Variants in IFFO1 observed in about 807,000 individuals in gnomAD.
IFFO1 encodes the protein non-homologous end joining factor IFFO1.
Under a neutral mutation model 59.6 loss-of-function variants are expected in IFFO1, and 42 were observed. That is an observed-to-expected ratio of 0.70 (90% CI 0.55 to 0.91). The LOEUF (loss-of-function observed/expected upper bound fraction) is 0.91, where lower values mean the gene tolerates loss of function less well. Among genes scored for constraint, IFFO1 ranks in the 40% least tolerant of loss-of-function variants. The pLI, the probability that IFFO1 is intolerant of heterozygous loss-of-function variation, is 0.00. For synonymous variants in IFFO1, 336 were observed against 342.8 expected (o/e 0.98, Z 0.22); for missense variants, 711 against 793.2 (o/e 0.90, Z 1.24).
At position 6,550,810 on chromosome 12, in the gene IFFO1, T is replaced by G. The variant is rs755049146; in HGVS notation, c.835-20A>C. On this transcript the variant is annotated intron_variant, in intron 2 of 9. Transcript: ENST00000619571. Reference sequence around the variant, plus strand: ...GGCTTCCTGCAGTTGGGAGAAACCCTGATGTTGGTGGCACTGCCGAGGTGG... The same window carrying G: ...GGCTTCCTGCAGTTGGGAGAAACCCGGATGTTGGTGGCACTGCCGAGGTGG... The G allele has an allele frequency of 1.9e-5, 30 of 1,611,284 alleles. No individual in the cohort carries two copies. In the East Asian group the frequency reaches 6.5e-4, roughly 35 times the overall value.
chr12:6,555,354 C>A lies in IFFO1; in HGVS notation c.676G>T (p.Gly226Trp), dbSNP rs1202768285. The A allele has an allele frequency of 6.2e-7, 1 of 1,614,196 alleles. No individual in the cohort carries two copies. Among genetic ancestry groups the A allele is most frequent in the South Asian group, 1.1e-5 (1 of 91,092 alleles). The change falls in exon 1 of 10, where the codon GGG (glycine) becomes TGG (tryptophan). Residue 226 changes from glycine (G) to tryptophan (W), a missense_variant. By Grantham distance (184) the Gly-to-Trp change is radical (BLOSUM62 -2). Transcript: ENST00000619571. The surrounding 1 kb of genome is among the most constrained non-coding windows in gnomAD (Gnocchi z 8.6). ...ATGGTGTCGATCTGGACGCCCACCCCATCCGGGTGCACCCACGACAAGCCA... is the reference window on the plus strand; with the variant it reads ...ATGGTGTCGATCTGGACGCCCACCCAATCCGGGTGCACCCACGACAAGCCA... The part of the protein sequence containing the change: ...GPGLSWVHPD[G>W]VGVQIDTITP...
At position 6,553,628 on chromosome 12, in the gene IFFO1, T is replaced by C. The variant is rs1003296008; in HGVS notation, c.773+1629A>G. The stretch of plus-strand genomic sequence containing the variant: ...AAGAAAAAAAAAAAATAGCCAGGCA[T>C]GGACATGGTAGTGCACACCTGTAGT... On this transcript the variant is annotated intron_variant, in intron 1 of 9. Coordinates refer to ENST00000619571, the MANE Select transcript of IFFO1 (RefSeq NM_001193457.2). 3.4e-4 allele frequency among the ~76,000 whole-genome samples: 51 copies of C among 149,722 alleles called. 1 individual carries two copies. The highest frequency in any genetic ancestry group is 2.1e-3 in the Admixed American group (31 of 15,062).
At chr12:6,551,543 C>A (rs758169363) in intron 1 of IFFO1, 14 of 1,177,672 alleles carry the variant, frequency 1.2e-5, no homozygotes, top group Non-Finnish European at 1.6e-5. Flanking sequence ...GGGTCAAGAG[C>A]CTGGTAGGAG....
In IFFO1 at chr12:6,555,567, C is replaced by G; in HGVS notation, c.463G>C (p.Val155Leu). 6 of 1,466,910 alleles carry G rather than the reference C, an allele frequency of 4.1e-6. No homozygotes were observed. Among genetic ancestry groups the G allele is most frequent in the Non-Finnish European group, 5.4e-6 (6 of 1,116,924 alleles). The allele number at this position is 1,466,910 out of a possible 1,614,324, so 90.9% of individuals were successfully genotyped here. A position where few individuals can be genotyped will look rare whatever the true frequency, so the allele number is the denominator to read the frequency against. The stretch of plus-strand genomic sequence containing the variant: ...GGGGAGCGCGCGGGCGAGCCCAGCA[C>G]GCGCGCCGAAGGGCTGCAGACAGCG... Reference protein sequence around the residue: ...PAAVCSPSARVLGSPARSPAG... With the variant: ...PAAVCSPSARLLGSPARSPAG... The change falls in exon 1 of 10, where the codon GTG (valine) becomes CTG (leucine). Residue 155 changes from valine (V) to leucine (L), a missense_variant. Val to Leu is a conservative substitution (Grantham distance 32, BLOSUM62 1). Around this residue, in one of 3 missense-constraint regions of IFFO1, gnomAD observed 579 missense variants for 650.3 expected, o/e 0.89. Transcript: ENST00000619571. The surrounding 1 kb of genome is among the most constrained non-coding windows in gnomAD (Gnocchi z 8.6).
At chr12:6,545,983 A>T (rs11064250) in intron 8 of IFFO1, among the ~76,000 whole-genome samples, 33,549 of 152,232 alleles carry the variant, frequency 0.22, 3,890 homozygotes, top group Admixed American at 0.26. Context: ...CAACTTAATA[A>T]GAAAAAGAAT....
Position 6,548,616 on chromosome 12 carries a change from C to T in IFFO1, c.1262+52G>A, listed in dbSNP as rs1487970703. 1 of 1,613,734 alleles carries T rather than the reference C, an allele frequency of 6.2e-7. No individual in the cohort carries two copies. Among genetic ancestry groups the T allele is most frequent in the Non-Finnish European group, 8.5e-7 (1 of 1,179,788 alleles). The stretch of plus-strand genomic sequence containing the variant: ...TGGCGGGGGACTGGGGAGCTCCGGC[C>T]TCCTGGGCTGCTGTGGCGTCGGTGC... On this transcript the variant is annotated intron_variant, in intron 6 of 9. Coordinates refer to ENST00000619571, the MANE Select transcript of IFFO1 (RefSeq NM_001193457.2). This position sits in a 1 kb window ranked among gnomAD's most constrained non-coding sequence, Gnocchi z 6.1.
chr12:6,551,122 G>T, intron 1 of IFFO1, 121 bp from the exon 2 acceptor site: 1 of 958,458 alleles, frequency 1.0e-6, no homozygotes, highest in Non-Finnish European at 1.6e-6. Context: ...CCTGGATGGG[G>T]AGGAGCAGGG....
At chr12:6,539,027 G>A (rs898417260), downstream of IFFO1, 1 of 152,222 alleles carries the variant, frequency 6.6e-6, no homozygotes, top group African/African-American at 2.4e-5. Context: ...ATCGTCCTTA[G>A]GGGAACTTGG....
Position 6,548,742 on chromosome 12 carries a change from G to A in IFFO1, c.1188C>T (p.Arg396=). ...TCTCCTCCTCATCCCCATCGGGCTG[G>A]CGGGGCCCCTCACTCTCCGACAGGG... ...DTSLSESEGP[R]QPDGDEEEST... is the part of the protein sequence containing the mutation. The change falls in exon 6 of 10, where the codon CGC becomes CGT. Residue 396 remains arginine, a synonymous_variant. Transcript: ENST00000619571. The surrounding 1 kb of genome is among the most constrained non-coding windows in gnomAD (Gnocchi z 6.1). 1 of 1,614,086 alleles carries A rather than the reference G, an allele frequency of 6.2e-7. No individual in the cohort carries two copies. Among genetic ancestry groups the A allele is most frequent in the Non-Finnish European group, 8.5e-7 (1 of 1,180,018 alleles).
At position 6,555,269 on chromosome 12, in the gene IFFO1, T is replaced by A; in HGVS notation, c.761A>T (p.Glu254Val). 3 of 1,614,110 alleles carry A rather than the reference T, an allele frequency of 1.9e-6. No homozygotes were observed. Among genetic ancestry groups the A allele is most frequent in the East Asian group, 4.5e-5 (2 of 44,884 alleles). ...TCCCAATCCCTACCTCCGCTTGTAC[T>A]CGTCCCGCTCCCGCTTCACTTTGGC... ...VLAKVKRERDEYKRRWEEEYT... is the reference protein window; with the variant it reads ...VLAKVKRERDVYKRRWEEEYT... The change falls in exon 1 of 10, where the codon GAG (glutamate) becomes GTG (valine). Residue 254 changes from glutamate to valine, a missense_variant. By Grantham distance (121) the Glu-to-Val change is moderately radical. Around this residue, in one of 3 missense-constraint regions of IFFO1, gnomAD observed 579 missense variants for 650.3 expected, o/e 0.89. Coordinates refer to ENST00000619571, the MANE Select transcript of IFFO1 (RefSeq NM_001193457.2). The surrounding 1 kb of genome is among the most constrained non-coding windows in gnomAD (Gnocchi z 8.6).
chr12:6,540,623 G>A (rs750431250), intron 9 of IFFO1, 35 bp from the exon 10 acceptor site: 46 of 1,568,840 alleles, frequency 2.9e-5, no homozygotes, highest in Non-Finnish European at 4.0e-5. Flanking sequence ...CCTTGGGGCA[G>A]GCAGGAATCC....
At chr12:6,539,309 A>C (rs1190084034), downstream of IFFO1, 1 of 152,246 alleles carries the variant, frequency 6.6e-6, no homozygotes, top group Non-Finnish European at 1.5e-5. Flanking sequence ...AAAATCAGCC[A>C]GGCTTCATGG....
chr12:6,555,483 T>G lies in IFFO1; in HGVS notation c.547A>C (p.Thr183Pro), dbSNP rs1947399159. 1 of 1,606,712 alleles carries G rather than the reference T, an allele frequency of 6.2e-7. No individual in the cohort carries two copies. Among genetic ancestry groups the G allele is most frequent in the Non-Finnish European group, 8.5e-7 (1 of 1,176,804 alleles). Reference sequence around the variant, plus strand: ...AAGCGGGCCGACGAGGAATAGGTGGTGGAGGTGGAGGTGGAGGACGACGAG... The same window carrying G: ...AAGCGGGCCGACGAGGAATAGGTGGGGGAGGTGGAGGTGGAGGACGACGAG... ...SLSSSSTSTS[T>P]TYSSSARFMP... Residue 183 changes from threonine to proline, a missense_variant, in exon 1 of 10, where the codon ACC becomes CCC. Coordinates refer to ENST00000619571, the MANE Select transcript of IFFO1 (RefSeq NM_001193457.2). The surrounding 1 kb of genome is among the most constrained non-coding windows in gnomAD (Gnocchi z 8.6).
In IFFO1 at chr12:6,548,529, C is replaced by G; in HGVS notation, c.1279G>C (p.Glu427Gln). The change falls in exon 7 of 10, where the codon GAG (glutamate) becomes CAG (glutamine). Residue 427 changes from glutamate to glutamine, a missense_variant. By Grantham distance (29) the Glu-to-Gln change is conservative. Around this residue, in one of 3 missense-constraint regions of IFFO1, gnomAD observed 579 missense variants for 650.3 expected, o/e 0.89. Coordinates refer to ENST00000619571, the MANE Select transcript of IFFO1 (RefSeq NM_001193457.2). This position sits in a 1 kb window ranked among gnomAD's most constrained non-coding sequence, Gnocchi z 6.1. ...MLNQLREYDF[E>Q]DDCDSLTWEE... Reference sequence around the variant, plus strand: ...CAAGTCAGGCTGTCACAGTCGTCCTCAAAATCATACTCCCTCCTAGAGACA... The same window carrying G: ...CAAGTCAGGCTGTCACAGTCGTCCTGAAAATCATACTCCCTCCTAGAGACA... 1 of 1,613,782 alleles carries G rather than the reference C, an allele frequency of 6.2e-7. No homozygotes were observed. Among genetic ancestry groups the G allele is most frequent in the Non-Finnish European group, 8.5e-7 (1 of 1,179,788 alleles).
intron 1 of IFFO1, among the ~76,000 whole-genome samples, chr12:6,552,970 A>G (rs1947296598): frequency 6.6e-6 from 1 of 152,198 alleles, no homozygotes; most frequent in Admixed American, 6.5e-5. Context: ...CCTGGGTTGA[A>G]GAGAGAAAGC....
rs1273839771 is a variant in IFFO1 at position 6,548,954 on chromosome 12, A to C, written c.1081-105T>G. 4.4e-6 allele frequency: 4 copies of C among 917,294 alleles called. No individual in the cohort carries two copies. Among genetic ancestry groups the C allele is most frequent in the Non-Finnish European group, 6.5e-6 (4 of 610,720 alleles). The allele number at this position is 917,294 out of a possible 1,614,324, so 56.8% of individuals were successfully genotyped here. On this transcript the variant is annotated intron_variant, in intron 5 of 9. Coordinates refer to ENST00000619571, the MANE Select transcript of IFFO1 (RefSeq NM_001193457.2). The surrounding 1 kb of genome is among the most constrained non-coding windows in gnomAD (Gnocchi z 6.1). ...GCATGAACCAGTAGGAAGGGGGGGC[A>C]GACAGAGAGAAAAGTCACAGTTACA...
downstream of IFFO1, chr12:6,539,443 ACTCCAT>A (rs1246957407): frequency 6.6e-6 from 1 of 150,778 alleles, no homozygotes; most frequent in East Asian, 1.9e-4. Context: ...AGAGTATGAG[ACTCCAT>A]CTCAAAAAAA....
At chr12:6,544,032 TC>T (rs1489606069) in intron 8 of IFFO1, among the ~76,000 whole-genome samples, 13 of 152,252 alleles carry the variant, frequency 8.5e-5, no homozygotes, top group African/African-American at 3.1e-4. Flanking sequence ...GTTTGAATCA[TC>T]TCAAAATCAT....
intron 8 of IFFO1, among the ~76,000 whole-genome samples, chr12:6,546,113 G>A (rs999506258): frequency 3.2e-4 from 48 of 152,324 alleles, no homozygotes; most frequent in African/African-American, 8.4e-4. Flanking sequence ...AAAAGGTACC[G>A]CCACAGCGCA....
Sources: gnomAD v4.1 joint callset for allele counts (sites outside exome capture counted in the v4.1 genomes callset) on GRCh38, gnomAD v4.1.1 for gene constraint, gnomAD v4.1.1 regional missense constraint, Gnocchi (gnomAD v3.1) non-coding constraint, MANE v1.5 for transcripts, NCBI Gene and HGNC (gene_info 2026-07-23, HGNC 2026-07-21) for gene names.